ABCA13: variants seen among roughly 807,000 people sequenced by gnomAD.
The protein encoded by ABCA13 is ATP binding cassette subfamily A member 13.
In ABCA13, 476 loss-of-function variants were observed where a neutral mutation model predicts 478.7. The observed-to-expected ratio is 0.99, with a 90% confidence interval of 0.92 to 1.07. ABCA13 has a LOEUF of 1.07. ABCA13 is among the 50% of genes least tolerant of loss of function. The pLI is 0.00. For synonymous variants in ABCA13, 2,252 were observed against 2,158.9 expected, an observed-to-expected ratio of 1.04 and a Z score of -1.20; for missense variants, 6,060 against 5,910.6, an observed-to-expected ratio of 1.03 and a Z score of -0.83.
intron 29 of ABCA13, among the ~76,000 whole-genome samples, chr7:48,344,934 G>A (rs1807828395): frequency 6.6e-6 from 1 of 152,202 alleles, no homozygotes; most frequent in African/African-American, 2.4e-5. Flanking sequence ...CCAGAGGAGG[G>A]AGATCTGCCC....
chr7:48,645,401 T>G lies in ABCA13; in HGVS notation c.15082-16T>G, dbSNP rs1795380993. ...GTATTCTTATAAGTAAACAACATTT[T>G]TATGGTTTTTTTCAGGTATTTATTA... On this transcript the variant is annotated splice_polypyrimidine_tract_variant and intron_variant, in intron 61 of 61. Transcript: ENST00000435803. 1 of 1,543,172 alleles carries G rather than the reference T, an allele frequency of 6.5e-7. No individual in the cohort carries two copies. The highest frequency in any genetic ancestry group is 8.8e-7 in the Non-Finnish European group (1 of 1,138,604).
At position 48,272,437 on chromosome 7, in the gene ABCA13, G is replaced by A. The variant is rs763774463; in HGVS notation, c.2771G>A (p.Arg924Lys). 1.2e-6 allele frequency: 2 copies of A among 1,613,742 alleles called. No homozygotes were observed. Among genetic ancestry groups the A allele is most frequent in the East Asian group, 2.2e-5 (1 of 44,860 alleles). ...SEALNTVYAIRNASDLFSALS... is the reference protein window; with the variant it reads ...SEALNTVYAIKNASDLFSALS... ...GCTCTGAACACAGTCTACGCTATCA[G>A]GAATGCATCTGATCTTTTCTCAGCC... The change falls in exon 17 of 62, where the codon AGG becomes AAG. Residue 924 changes from arginine to lysine, a missense_variant. Arg to Lys is a conservative substitution (Grantham distance 26). Coordinates refer to ENST00000435803, the MANE Select transcript of ABCA13 (RefSeq NM_152701.5).
rs558627042 is a variant in ABCA13 at position 48,611,211 on chromosome 7, A to G, written c.14745-4074A>G. Among the ~76,000 whole-genome samples the G allele has an allele frequency of 3.9e-5, 6 of 152,264 alleles. No individual in the cohort carries two copies. The East Asian group carries it at 1.2e-3, about 29-fold the overall frequency. On this transcript the variant is annotated intron_variant, in intron 58 of 61. Transcript: ENST00000435803. The stretch of plus-strand genomic sequence containing the variant: ...AGTTTCCAATAAGTTTCTCATCTCT[A>G]TCTGAGATCTCCTCACCCTTGACTT...
At chr7:48,441,851 C>A (rs149759070) in intron 42 of ABCA13, among the ~76,000 whole-genome samples, 1 of 152,188 alleles carries the variant, frequency 6.6e-6, no homozygotes, top group East Asian at 1.9e-4. Flanking sequence ...ATAGAGACTG[C>A]GAACTCTAAA....
chr7:48,191,251 C>T (rs760390579), intron 1 of ABCA13, among the ~76,000 whole-genome samples: 1 of 152,010 alleles, frequency 6.6e-6, no homozygotes, highest in Non-Finnish European at 1.5e-5. Context: ...AATTGTGGTC[C>T]CTTGAACCAG....
intron 10 of ABCA13, among the ~76,000 whole-genome samples, chr7:48,242,400 C>T (rs2129015951): frequency 6.6e-6 from 1 of 151,612 alleles, no homozygotes; most frequent in Middle Eastern, 3.4e-3. Flanking sequence ...GAGGCCCAAA[C>T]ACTGGCTTTG....
At chr7:48,422,473 TC>T (rs1320688329) in intron 41 of ABCA13, among the ~76,000 whole-genome samples, 1 of 152,166 alleles carries the variant, frequency 6.6e-6, no homozygotes, top group Non-Finnish European at 1.5e-5. Context: ...CTTTTAATCT[TC>T]CCCTTGTACG....
At chr7:48,609,501 G>A (rs1414861021) in intron 58 of ABCA13, among the ~76,000 whole-genome samples, 1 of 152,040 alleles carries the variant, frequency 6.6e-6, no homozygotes, top group Non-Finnish European at 1.5e-5. Context: ...GCCTCTTCTG[G>A]TTCCTTACCC....
chr7:48,440,361 T>C (rs1244575164), intron 42 of ABCA13, among the ~76,000 whole-genome samples: 1 of 152,126 alleles, frequency 6.6e-6, no homozygotes, highest in East Asian at 1.9e-4. Flanking sequence ...TCATACAGTA[T>C]ATATAGAAGT....
In ABCA13 at chr7:48,276,498, G is replaced by T; in HGVS notation, c.6832G>T (p.Glu2278Ter). ...AACATTCTTCTCCCTTTTTCTAAAG[G>T]AAGATTCTGAGAACAAAATATCTCT... ...LKTFFSLFLK[E>*]DSENKISLLL... The change falls in exon 17 of 62, where the codon GAA (glutamate) becomes TAA (stop). Residue 2278 changes from glutamate to a stop codon, truncating the protein, a stop_gained. Coordinates refer to ENST00000435803, the MANE Select transcript of ABCA13 (RefSeq NM_152701.5). LOFTEE classifies it high-confidence loss of function. 6.2e-7 allele frequency: 1 copy of T among 1,609,282 alleles called. No homozygotes were observed. The highest frequency in any genetic ancestry group is 1.1e-5 in the South Asian group (1 of 90,478).
At chr7:48,448,950 C>T (rs1824641045) in intron 42 of ABCA13, among the ~76,000 whole-genome samples, 1 of 152,172 alleles carries the variant, frequency 6.6e-6, no homozygotes, top group African/African-American at 2.4e-5. Flanking sequence ...TCAAGCAATT[C>T]TCCTGTCTCA....
intron 48 of ABCA13, among the ~76,000 whole-genome samples, chr7:48,502,156 C>T (rs1585616148): frequency 1.3e-5 from 2 of 152,154 alleles, no homozygotes; most frequent in Non-Finnish European, 2.9e-5. Context: ...ATTATGAAAA[C>T]TTCCAGGAGA....
chr7:48,206,841 T>C (rs1000236076), intron 3 of ABCA13, among the ~76,000 whole-genome samples: 2 of 152,070 alleles, frequency 1.3e-5, no homozygotes, highest in African/African-American at 4.8e-5. Context: ...TTTAGTTATT[T>C]TGAAATATGT....
chr7:48,199,588 G>T (rs1562760247), intron 3 of ABCA13, among the ~76,000 whole-genome samples: 1 of 152,150 alleles, frequency 6.6e-6, no homozygotes, highest in African/African-American at 2.4e-5. Context: ...CAACTTTCAG[G>T]TCATAGTAGG....
intron 31 of ABCA13, among the ~76,000 whole-genome samples, chr7:48,358,258 AGGGGAGG>A (rs1810282995): frequency 5.2e-5 from 1 of 19,230 alleles, no homozygotes; most frequent in African/African-American, 2.3e-4. Context: ...AGGGGAGGGG[AGGGGAGG>A]GGACAATGCC....
chr7:48,574,091 G>C (rs1787933738), intron 55 of ABCA13, among the ~76,000 whole-genome samples: 1 of 151,994 alleles, frequency 6.6e-6, no homozygotes, highest in East Asian at 1.9e-4. Flanking sequence ...GGCATGGGGA[G>C]TTAGGACCCC....
chr7:48,303,766 C>A (rs1254739614), intron 23 of ABCA13, among the ~76,000 whole-genome samples: 1 of 152,078 alleles, frequency 6.6e-6, no homozygotes, highest in Non-Finnish European at 1.5e-5. Flanking sequence ...TTTTTGATAT[C>A]AAATTCTGAT....
intron 39 of ABCA13, 121 bp downstream of exon 39, chr7:48,404,000 AAT>A: frequency 8.0e-7 from 1 of 1,251,820 alleles, no homozygotes; most frequent in East Asian, 2.6e-5. Flanking sequence ...TTTTCAGAAA[AAT>A]ATAAATTTTT....
chr7:48,451,831 C>A (rs1319583852), intron 42 of ABCA13, among the ~76,000 whole-genome samples: 1 of 152,120 alleles, frequency 6.6e-6, no homozygotes, highest in East Asian at 1.9e-4. Context: ...AAGAAAAATT[C>A]TTTGGACATT....
Sources: gnomAD v4.1 joint callset for allele counts (sites outside exome capture counted in the v4.1 genomes callset) on GRCh38, gnomAD v4.1.1 for gene constraint, MANE v1.5 for transcripts, NCBI Gene and HGNC (gene_info 2026-07-23, HGNC 2026-07-21) for gene names.